SLC9A9: variants seen among roughly 807,000 people sequenced by gnomAD.
SLC9A9 encodes the protein sodium/hydrogen exchanger 9.
SLC9A9 carries 62 observed loss-of-function variants against 77.8 expected under a neutral mutation model. The observed-to-expected ratio is 0.80, with a 90% confidence interval of 0.65 to 0.98. The LOEUF (loss-of-function observed/expected upper bound fraction) is 0.98, where lower values mean the gene tolerates loss of function less well. Among genes scored for constraint, SLC9A9 ranks in the 50% least tolerant of loss-of-function variants. The probability of loss-of-function intolerance (pLI) is 0.00; values close to 1 mark genes in which losing one functional copy is unlikely to be tolerated. For synonymous variants in SLC9A9, 320 were observed against 283.5 expected (o/e 1.13, Z -1.29); for missense variants, 775 against 774.9 (o/e 1.00, Z 0.00).
chr3:143,357,287 A>G (rs2032619226), intron 14 of SLC9A9, among the ~76,000 whole-genome samples: 1 of 152,048 alleles, frequency 6.6e-6, no homozygotes, highest in South Asian at 2.1e-4. Flanking sequence ...TTCCTTTCCT[A>G]TGCTAGGGAC....
chr3:143,291,378 G>T (rs528064657), intron 14 of SLC9A9, among the ~76,000 whole-genome samples: 1 of 152,314 alleles, frequency 6.6e-6, no homozygotes, highest in Admixed American at 6.5e-5. Context: ...GGCCTCAAAG[G>T]AGAAGAGCTC....
chr3:143,555,317 T>C (rs1239271122), intron 8 of SLC9A9, among the ~76,000 whole-genome samples: 1 of 152,208 alleles, frequency 6.6e-6, no homozygotes, highest in Non-Finnish European at 1.5e-5. Context: ...TAAACCTCTT[T>C]TTCTTTATAA....
At chr3:143,543,930 T>C (rs2036738106) in intron 9 of SLC9A9, among the ~76,000 whole-genome samples, 1 of 152,222 alleles carries the variant, frequency 6.6e-6, no homozygotes, top group Non-Finnish European at 1.5e-5. Context: ...ATGGTAGCCC[T>C]GTTTTAAGTT....
intron 6 of SLC9A9, among the ~76,000 whole-genome samples, chr3:143,650,878 C>T (rs2108747444): frequency 6.6e-6 from 1 of 152,326 alleles, no homozygotes; most frequent in Non-Finnish European, 1.5e-5. Context: ...TGGTGCTCAA[C>T]AGCATCAACA....
At chr3:143,692,158 TC>T (rs1933490929) in intron 5 of SLC9A9, among the ~76,000 whole-genome samples, 1 of 151,622 alleles carries the variant, frequency 6.6e-6, no homozygotes, top group South Asian at 2.1e-4. Flanking sequence ...ACAAATTACC[TC>T]TTTTTTTTTA....
At chr3:143,443,532 G>A (rs948495572) in intron 12 of SLC9A9, among the ~76,000 whole-genome samples, 2 of 152,086 alleles carry the variant, frequency 1.3e-5, no homozygotes, top group African/African-American at 4.8e-5. Context: ...CACAGGTAAG[G>A]GATCATAGTA....
chr3:143,796,419 A>G (rs2008386126), intron 3 of SLC9A9, among the ~76,000 whole-genome samples: 1 of 152,256 alleles, frequency 6.6e-6, no homozygotes, highest in African/African-American at 2.4e-5. Context: ...AAATGTTTTT[A>G]AAAGATGAAA....
At position 143,267,017 on chromosome 3, in the gene SLC9A9, A is replaced by G. The variant is rs552268519; in HGVS notation, c.1711-88T>C. On this transcript the variant is annotated intron_variant, in intron 15 of 15. Transcript: ENST00000316549. ...ACAATTTTTTTTTTTTTTTAAACAG[A>G]ATGCATGTTTTCCTTTCTGTAACTG... is the stretch of plus-strand genomic sequence containing the variant. The G allele has an allele frequency of 1.0e-5, 12 of 1,198,112 alleles. 1 individual carries two copies. The South Asian group carries it at 1.5e-4, about 15-fold the overall frequency. 74.2% of individuals were successfully genotyped at this position (1,198,112 alleles called of 1,614,324 possible).
intron 4 of SLC9A9, among the ~76,000 whole-genome samples, chr3:143,753,094 T>G (rs1315029198): frequency 6.6e-6 from 1 of 152,182 alleles, no homozygotes; most frequent in South Asian, 2.1e-4. Flanking sequence ...TTATTTGAAG[T>G]TCAGACCTTC....
intron 11 of SLC9A9, among the ~76,000 whole-genome samples, chr3:143,470,480 CAAAA>C (rs11312589): frequency 7.4e-6 from 1 of 135,860 alleles, no homozygotes. Flanking sequence ...AATTCTGGCT[CAAAA>C]AAAAAAAAAA....
At chr3:143,472,828 C>T (rs2035400952) in intron 11 of SLC9A9, among the ~76,000 whole-genome samples, 2 of 152,188 alleles carry the variant, frequency 1.3e-5, no homozygotes, top group Non-Finnish European at 2.9e-5. Flanking sequence ...ATAGTTTCTA[C>T]AAGTTCAGTT....
intron 14 of SLC9A9, among the ~76,000 whole-genome samples, chr3:143,333,617 A>C (rs1272674616): frequency 1.3e-5 from 2 of 152,230 alleles, no homozygotes; most frequent in African/African-American, 4.8e-5. Flanking sequence ...ATGCTACTGC[A>C]ACCAGGTGAG....
intron 13 of SLC9A9, among the ~76,000 whole-genome samples, chr3:143,367,004 A>G (rs1449528303): frequency 6.6e-6 from 1 of 152,164 alleles, no homozygotes; most frequent in Non-Finnish European, 1.5e-5. Context: ...TAGAAACTTT[A>G]GTGTTTTAGG....
At chr3:143,315,525 G>A (rs372663543) in intron 14 of SLC9A9, among the ~76,000 whole-genome samples, 7 of 152,294 alleles carry the variant, frequency 4.6e-5, no homozygotes, top group East Asian at 1.9e-4. Context: ...GAATAAGTCC[G>A]TAGCTGGTCC....
intron 8 of SLC9A9, among the ~76,000 whole-genome samples, chr3:143,554,218 T>C (rs747459305): frequency 6.6e-6 from 1 of 152,202 alleles, no homozygotes; most frequent in Non-Finnish European, 1.5e-5. Context: ...AGGAAGGGAC[T>C]AAGATTGTCT....
At chr3:143,748,883 T>A (rs1935267874) in intron 4 of SLC9A9, among the ~76,000 whole-genome samples, 1 of 151,290 alleles carries the variant, frequency 6.6e-6, no homozygotes, top group African/African-American at 2.4e-5. Context: ...TTTTGTATTT[T>A]TAGTAGAGAC....
rs931193721 is a variant in SLC9A9 at position 143,535,231 on chromosome 3, A to G, written c.1089+17131T>C. Among the ~76,000 whole-genome samples the G allele has an allele frequency of 2.0e-5, 3 of 152,206 alleles. No individual in the cohort carries two copies. In the East Asian group the frequency reaches 5.8e-4, roughly 29 times the overall value. ...GTAAAATTAAGCTACTGAAGAATAG[A>G]CAGACTGGAGCAAGTCTTAAAGACA... On this transcript the variant is annotated intron_variant, in intron 9 of 15. Coordinates refer to ENST00000316549, the MANE Select transcript of SLC9A9 (RefSeq NM_173653.4).
At chr3:143,352,995 G>A (rs1300548536) in intron 14 of SLC9A9, among the ~76,000 whole-genome samples, 5 of 152,058 alleles carry the variant, frequency 3.3e-5, no homozygotes, top group Admixed American at 2.0e-4. Context: ...GGACACATGC[G>A]GTCCCTACAC....
intron 4 of SLC9A9, among the ~76,000 whole-genome samples, chr3:143,729,081 C>T (rs954570896): frequency 6.6e-6 from 1 of 152,156 alleles, no homozygotes; most frequent in Non-Finnish European, 1.5e-5. Context: ...CAGTTCCACC[C>T]TCACGCCTTA....
Sources: allele counts gnomAD v4.1 joint callset (sites outside exome capture counted in the v4.1 genomes callset), GRCh38; gene constraint gnomAD v4.1.1; transcripts MANE v1.5; gene names NCBI Gene and HGNC (gene_info 2026-07-23, HGNC 2026-07-21).